RYR3: variants seen among roughly 807,000 people sequenced by gnomAD.
RYR3 encodes ryanodine receptor 3.
Under a neutral mutation model 584.3 loss-of-function variants are expected in RYR3, and 207 were observed. The ratio of observed to expected loss-of-function variants is 0.35; its 90% CI spans 0.32 to 0.40. The LOEUF is 0.40. RYR3 is among the 10% of genes least tolerant of loss of function. RYR3 has a pLI of 1.00. For synonymous variants in RYR3, 2,416 were observed against 2,248.5 expected (o/e 1.07, Z -2.11); for missense variants, 5,616 against 6,089.2 (o/e 0.92, Z 2.59).
At chr15:33,323,338 G>A (rs1401699369) in intron 1 of RYR3, among the ~76,000 whole-genome samples, 2 of 152,226 alleles carry the variant, frequency 1.3e-5, no homozygotes, top group East Asian at 3.9e-4. Context: ...TCGATCTCCT[G>A]ACCTCATGAT....
At chr15:33,731,774 G>T in intron 48 of RYR3, 80 bp downstream of exon 48, 1 of 1,005,758 alleles carries the variant, frequency 9.9e-7, no homozygotes. Context: ...AAAAACTGGT[G>T]GTCTAGTCTA....
At chr15:33,670,586 T>C in intron 38 of RYR3, 30 bp downstream of exon 38, 1 of 1,539,632 alleles carries the variant, frequency 6.5e-7, no homozygotes, top group Non-Finnish European at 8.7e-7. Flanking sequence ...AATGACAGTG[T>C]GCTCTTCTAA....
chr15:33,413,576 G>A lies in RYR3; in HGVS notation c.52-59843G>A, dbSNP rs76550864. On this transcript the variant is annotated intron_variant, in intron 1 of 103. Transcript: ENST00000634891. ...AGGGGCTGTCATCTTCATGAAAAGAGATATGTGGTCTGCAGACTGACTTCT... is the reference window on the plus strand; with the variant it reads ...AGGGGCTGTCATCTTCATGAAAAGAAATATGTGGTCTGCAGACTGACTTCT... Among the ~76,000 whole-genome samples the A allele has an allele frequency of 8.8e-3, 1,336 of 152,302 alleles. 15 individuals are homozygous for A. Among genetic ancestry groups the A allele is most frequent in the African/African-American group, 0.024 (984 of 41,568 alleles).
chr15:33,385,710 C>CTTTTTTTTTTTTTTTTTTT (rs10682215), intron 1 of RYR3, among the ~76,000 whole-genome samples: 2 of 131,402 alleles, frequency 1.5e-5, no homozygotes, highest in African/African-American at 5.9e-5. Flanking sequence ...TTTTTCTTTT[C>CTTTTTTTTTTTTTTTTTTT]TTTTTTTTTT....
In RYR3 at chr15:33,780,477, T is replaced by G. The variant is rs2074318576; in HGVS notation, c.9268+136T>G. The G allele has an allele frequency of 6.1e-6, 5 of 815,696 alleles. No individual in the cohort carries two copies. In the South Asian group the frequency reaches 9.5e-5, roughly 15 times the overall value. 50.5% of individuals were successfully genotyped at this position (815,696 alleles called of 1,614,324 possible). On this transcript the variant is annotated intron_variant, in intron 65 of 103. Coordinates refer to ENST00000634891, the MANE Select transcript of RYR3 (RefSeq NM_001036.6). ...GGAGCCAGGAGGTGAGGTTAGGGAC[T>G]AGGTTGCAGGTCTGCATCTTACTGG...
intron 12 of RYR3, among the ~76,000 whole-genome samples, chr15:33,569,279 A>G (rs1457930155): frequency 6.6e-6 from 1 of 152,148 alleles, no homozygotes; most frequent in African/African-American, 2.4e-5. Context: ...ATTGTGGTAA[A>G]ATATACATCA....
At chr15:33,685,588 G>A (rs529826043) in intron 38 of RYR3, among the ~76,000 whole-genome samples, 8 of 152,122 alleles carry the variant, frequency 5.3e-5, no homozygotes, top group African/African-American at 7.2e-5. Flanking sequence ...TGCACCAAGC[G>A]TACATAATAG....
intron 58 of RYR3, 76 bp from the exon 59 acceptor site, chr15:33,756,230 G>T: frequency 1.0e-6 from 1 of 961,392 alleles, no homozygotes; most frequent in East Asian, 2.6e-5. Context: ...TAGAAAAGCT[G>T]CTCTGTTTCT....
intron 19 of RYR3, among the ~76,000 whole-genome samples, chr15:33,618,149 T>G (rs2060544537): frequency 6.6e-6 from 1 of 151,498 alleles, no homozygotes. Context: ...TATAGTGAAA[T>G]TTGGGTGCTA....
At chr15:33,853,825 A>C in intron 96 of RYR3, 143 bp downstream of exon 96, 1 of 1,012,710 alleles carries the variant, frequency 9.9e-7, no homozygotes, top group East Asian at 2.6e-5. Context: ...TAACACTGGG[A>C]GAGCACTGCC....
intron 4 of RYR3, among the ~76,000 whole-genome samples, chr15:33,531,567 A>G (rs761416990): frequency 8.2e-4 from 125 of 152,098 alleles, no homozygotes; most frequent in Middle Eastern, 3.4e-3. Flanking sequence ...GTTCATCTCA[A>G]GGCTTGAACT....
intron 10 of RYR3, among the ~76,000 whole-genome samples, chr15:33,562,311 T>G (rs937925331): frequency 1.2e-4 from 18 of 152,210 alleles, no homozygotes; most frequent in African/African-American, 4.3e-4. Flanking sequence ...CTACATTAGC[T>G]TAAGCCACGG....
At chr15:33,552,529 T>C (rs995751049) in intron 10 of RYR3, among the ~76,000 whole-genome samples, 2 of 152,230 alleles carry the variant, frequency 1.3e-5, no homozygotes, top group Non-Finnish European at 2.9e-5. Flanking sequence ...TACATTTCAC[T>C]GGAGTCACTA....
rs896391387 is a variant in RYR3, at chr15:33,861,252, C to A, written c.14465+74C>A. 2.7e-6 allele frequency: 3 copies of A among 1,112,220 alleles called. No individual in the cohort carries two copies. In the East Asian group the frequency reaches 8.1e-5, roughly 30 times the overall value. 68.9% of individuals were successfully genotyped at this position (1,112,220 alleles called of 1,614,324 possible). A position where few individuals can be genotyped will look rare whatever the true frequency, so the allele number is the denominator to read the frequency against. On this transcript the variant is annotated intron_variant, in intron 102 of 103. Transcript: ENST00000634891. ...AGCCAATTAGGTCATATAGTTCAGT[C>A]TCTGCTGGAAAAAGAGTAACCAGAA...
At chr15:33,862,464 C>A (rs192334535) in intron 102 of RYR3, among the ~76,000 whole-genome samples, 8 of 152,196 alleles carry the variant, frequency 5.3e-5, no homozygotes, top group Admixed American at 1.3e-4. Context: ...ACCTTGGCCT[C>A]CCAGAGTGCT....
At chr15:33,640,624 C>A (rs2061752586) in intron 27 of RYR3, among the ~76,000 whole-genome samples, 1 of 152,156 alleles carries the variant, frequency 6.6e-6, no homozygotes, top group Admixed American at 6.5e-5. Context: ...AGATTACCCC[C>A]CTGCTCTCCC....
intron 3 of RYR3, among the ~76,000 whole-genome samples, chr15:33,510,654 C>T (rs924064015): frequency 1.6e-4 from 24 of 150,356 alleles, no homozygotes; most frequent in Admixed American, 1.5e-3. Context: ...TTTTAGGGGA[C>T]ATATCATGTA....
At chr15:33,738,313 TTG>T in intron 49 of RYR3, 135 bp from the exon 50 acceptor site, 1 of 864,008 alleles carries the variant, frequency 1.2e-6, no homozygotes, top group Admixed American at 2.7e-5. Flanking sequence ...AAGGGCCTCT[TTG>T]TAGACAGCCC....
Position 33,865,075 on chromosome 15 carries a change from G to A in RYR3, c.14518-56G>A, listed in dbSNP as rs993921315. ...AGCCACAAAGAACAAAAACAAACTG[G>A]GTTTTAGCTTTTACTGTGGTTTAAA... is the stretch of plus-strand genomic sequence containing the variant. On this transcript the variant is annotated intron_variant, in intron 103 of 103. Coordinates refer to ENST00000634891, the MANE Select transcript of RYR3 (RefSeq NM_001036.6). The A allele has an allele frequency of 3.6e-6, 5 of 1,397,070 alleles. No homozygotes were observed. In the African/African-American group the frequency reaches 7.1e-5, roughly 20 times the overall value. 86.5% of individuals were successfully genotyped at this position (1,397,070 alleles called of 1,614,324 possible).
Sources: allele counts gnomAD v4.1 joint callset (sites outside exome capture counted in the v4.1 genomes callset), GRCh38; gene constraint gnomAD v4.1.1; transcripts MANE v1.5; gene names NCBI Gene and HGNC (gene_info 2026-07-23, HGNC 2026-07-21).